PDE4D: variants seen among roughly 807,000 people sequenced by gnomAD.
PDE4D encodes the protein phosphodiesterase 4D.
A neutral mutation model predicts 87.4 loss-of-function variants in PDE4D; 24 were observed. The observed-to-expected ratio is 0.27, with a 90% CI of 0.20 to 0.39. The LOEUF is 0.39. Ranked by LOEUF, PDE4D falls within the 10% of genes least tolerant of loss-of-function variation. PDE4D has a pLI of 1.00. For missense variants in PDE4D, 714 were observed against 1,041.0 expected, an observed-to-expected ratio of 0.69 and a Z score of 4.32; for synonymous variants, 384 against 383.2, an observed-to-expected ratio of 1.00 and a Z score of -0.02.
chr5:59,959,578 T>G (rs984160791), intron 3 of PDE4D, among the ~76,000 whole-genome samples: 1 of 152,238 alleles, frequency 6.6e-6, no homozygotes, highest in East Asian at 1.9e-4. Context: ...CCATCTGATC[T>G]TTGACAATGT....
At chr5:59,039,275 T>C in intron 5 of PDE4D, 1 of 1,150,444 alleles carries the variant, frequency 8.7e-7, no homozygotes, top group Non-Finnish European at 1.1e-6. Flanking sequence ...AAAACCACTA[T>C]GCGACTTTTC....
At chr5:59,217,491 C>G (rs1369063442) in intron 1 of PDE4D, among the ~76,000 whole-genome samples, 1 of 152,072 alleles carries the variant, frequency 6.6e-6, no homozygotes, top group Non-Finnish European at 1.5e-5. Flanking sequence ...ATCAAATAAA[C>G]AGAAGAGGGA....
intron 1 of PDE4D, among the ~76,000 whole-genome samples, chr5:60,470,922 C>A (rs1425324623): frequency 2.0e-5 from 3 of 152,084 alleles, no homozygotes; most frequent in Non-Finnish European, 4.4e-5. Flanking sequence ...GTTCATAGAT[C>A]AAGGAGTAAT....
intron 1 of PDE4D, among the ~76,000 whole-genome samples, chr5:59,796,845 A>G (rs545154573): frequency 7.9e-5 from 12 of 152,290 alleles, no homozygotes; most frequent in African/African-American, 2.9e-4. Flanking sequence ...CCACTAAGCT[A>G]TCTAGTTATG....
chr5:60,500,744 A>G (rs1276740471), intron 1 of PDE4D, among the ~76,000 whole-genome samples: 1 of 152,200 alleles, frequency 6.6e-6, no homozygotes, highest in Non-Finnish European at 1.5e-5. Context: ...TCTCAGCTGT[A>G]AACTGTGAAT....
chr5:60,461,045 T>C (rs1561281971), intron 1 of PDE4D, among the ~76,000 whole-genome samples: 1 of 152,090 alleles, frequency 6.6e-6, no homozygotes, highest in African/African-American at 2.4e-5. Flanking sequence ...TGTTTGATAA[T>C]TTATTATATA....
upstream of PDE4D, among the ~76,000 whole-genome samples, chr5:60,488,639 C>T (rs1749341498): frequency 6.6e-6 from 1 of 151,922 alleles, no homozygotes; most frequent in African/African-American, 2.4e-5. Context: ...GAGGAAAATA[C>T]AGGATTTTCC....
chr5:60,155,431 G>A (rs1374350641), intron 2 of PDE4D, among the ~76,000 whole-genome samples: 1 of 152,118 alleles, frequency 6.6e-6, no homozygotes, highest in Admixed American at 6.5e-5. Flanking sequence ...TTTTCCTAAT[G>A]GGATGTGTGT....
chr5:59,173,439 A>C (rs2153474282), intron 5 of PDE4D, among the ~76,000 whole-genome samples: 1 of 152,254 alleles, frequency 6.6e-6, no homozygotes, highest in East Asian at 1.9e-4. Context: ...AAATAGTAAT[A>C]CTCCATGCAT....
intron 1 of PDE4D, among the ~76,000 whole-genome samples, chr5:60,364,921 A>T (rs944118442): frequency 5.3e-5 from 8 of 152,220 alleles, no homozygotes; most frequent in Non-Finnish European, 8.8e-5. Flanking sequence ...CCTCCTTGGA[A>T]GTCCATGAAG....
At chr5:59,850,516 T>G (rs1470880313) in intron 1 of PDE4D, among the ~76,000 whole-genome samples, 1 of 152,058 alleles carries the variant, frequency 6.6e-6, no homozygotes, top group Non-Finnish European at 1.5e-5. Context: ...CGTTCTTATT[T>G]CAGGCAAAGA....
intron 1 of PDE4D, among the ~76,000 whole-genome samples, chr5:60,371,144 G>A (rs931591347): frequency 1.3e-5 from 2 of 152,206 alleles, no homozygotes; most frequent in Non-Finnish European, 2.9e-5. Flanking sequence ...CAAGAAGTGA[G>A]CTATCAGGAT....
intron 1 of PDE4D, among the ~76,000 whole-genome samples, chr5:59,339,302 A>G (rs1329541591): frequency 6.6e-6 from 1 of 152,188 alleles, no homozygotes; most frequent in African/African-American, 2.4e-5. Flanking sequence ...AATATTTTAT[A>G]TTTTCTCAAA....
intron 1 of PDE4D, among the ~76,000 whole-genome samples, chr5:59,619,118 T>C (rs1315901680): frequency 6.6e-6 from 1 of 152,148 alleles, no homozygotes; most frequent in Non-Finnish European, 1.5e-5. Context: ...TGACAATTGA[T>C]TGGACATGAG....
intron 5 of PDE4D, among the ~76,000 whole-genome samples, chr5:59,108,906 C>CAAAA (rs57209544): frequency 1.2e-5 from 1 of 86,418 alleles, no homozygotes; most frequent in Non-Finnish European, 2.3e-5. Flanking sequence ...GATTCCTTCT[C>CAAAA]AAAAAAAAAA....
intron 5 of PDE4D, among the ~76,000 whole-genome samples, chr5:59,097,674 C>T (rs914778827): frequency 2.0e-5 from 3 of 152,184 alleles, no homozygotes; most frequent in Non-Finnish European, 4.4e-5. Flanking sequence ...TGAGCACTAA[C>T]GTGTTCCTTT....
At chr5:59,482,856 T>C (rs1804509459) in intron 1 of PDE4D, among the ~76,000 whole-genome samples, 1 of 152,184 alleles carries the variant, frequency 6.6e-6, no homozygotes, top group Non-Finnish European at 1.5e-5. Flanking sequence ...GGATGATTGA[T>C]TTTATGTGTC....
chr5:59,896,357 C>T (rs945269933), upstream of PDE4D, among the ~76,000 whole-genome samples: 7 of 152,128 alleles, frequency 4.6e-5, no homozygotes, highest in South Asian at 8.3e-4. Flanking sequence ...GGAATATCAC[C>T]TGGGGGAGCT....
chr5:60,257,711 A>C (rs1749238192), intron 1 of PDE4D, among the ~76,000 whole-genome samples: 1 of 151,970 alleles, frequency 6.6e-6, no homozygotes, highest in Non-Finnish European at 1.5e-5. Context: ...CTCAGACAAA[A>C]TGGACATTTC....
Sources: gnomAD v4.1 joint callset for allele counts (sites outside exome capture counted in the v4.1 genomes callset) on GRCh38, gnomAD v4.1.1 for gene constraint, MANE v1.5 for transcripts, NCBI Gene and HGNC (gene_info 2026-07-23, HGNC 2026-07-21) for gene names.